Variants in NEB observed in about 807,000 individuals in gnomAD.
The protein encoded by NEB is nebulin, also known as nemaline myopathy type 2.
NEB carries 512 observed loss-of-function variants against 952.2 expected under a neutral mutation model. The ratio of observed to expected loss-of-function variants is 0.54; its 90% CI spans 0.50 to 0.58. The LOEUF (loss-of-function observed/expected upper bound fraction) is 0.58. NEB is among the 20% of genes least tolerant of loss of function. The pLI is 0.00. For missense variants in NEB, 8,428 were observed against 9,231.1 expected, an observed-to-expected ratio of 0.91 and a Z score of 3.56; for synonymous variants, 2,900 against 3,149.8, an observed-to-expected ratio of 0.92 and a Z score of 2.66.
In NEB at chr2:151,553,843, T is replaced by C; in HGVS notation, c.19611A>G (p.Thr6537=). ...LQVNDHVRKV[T]DQISDIVYKD... ...ACAGGCTTACATCGCTGATCTGATC[T>C]GTGACTTTCCTGACGTGATCATTGA... The change falls in exon 126 of 182, where the codon ACA becomes ACG. Residue 6537 remains threonine, a synonymous_variant. Coordinates refer to ENST00000397345, the MANE Select transcript of NEB (RefSeq NM_001164508.2). 6.2e-7 allele frequency: 1 copy of C among 1,612,636 alleles called. No individual in the cohort carries two copies. The highest frequency in any genetic ancestry group is 8.5e-7 in the Non-Finnish European group (1 of 1,179,070).
chr2:151,694,681 G>C (rs1329893713), intron 18 of NEB, 52 bp from the exon 19 acceptor site: 2 of 1,358,336 alleles, frequency 1.5e-6, no homozygotes, highest in East Asian at 2.5e-5. Context: ...TGCATGTCAC[G>C]ACCTTTAAAG....
At position 151,619,757 on chromosome 2, in the gene NEB, T is replaced by C. The variant is rs2098336632; in HGVS notation, c.10566A>G (p.Lys3522=). ...ACTGTTTACGATATGCTTCTTTGTATTTGTACTGAAAGAGAGAATCCAGTA... is the reference window on the plus strand; with the variant it reads ...ACTGTTTACGATATGCTTCTTTGTACTTGTACTGAAAGAGAGAATCCAGTA... The part of the protein sequence containing the change: ...KASRDIASDY[K]YKEAYRKQLG... Residue 3522 remains lysine, a synonymous_variant, in exon 73 of 182, where the codon AAA becomes AAG. Coordinates refer to ENST00000397345, the MANE Select transcript of NEB (RefSeq NM_001164508.2). The C allele has an allele frequency of 2.5e-6, 4 of 1,606,346 alleles. No homozygotes were observed. Among genetic ancestry groups the C allele is most frequent in the Non-Finnish European group, 3.4e-6 (4 of 1,173,798 alleles).
At chr2:151,723,750 G>GGTTTTT (rs1553685530) in intron 8 of NEB, among the ~76,000 whole-genome samples, 3 of 51,362 alleles carry the variant, frequency 5.8e-5, no homozygotes, top group Admixed American at 2.5e-4. Context: ...TGCCTTCTTT[G>GGTTTTT]TTTTTTTTTT....
rs768083123 is a variant in NEB at position 151,640,376 on chromosome 2, C to G, written c.8664G>C (p.Gln2888His). The G allele has an allele frequency of 1.9e-6, 3 of 1,613,828 alleles. No homozygotes were observed. The African/African-American group carries it at 4.0e-5, about 22-fold the overall frequency. Residue 2888 changes from glutamine (Q) to histidine (H), a missense_variant, in exon 61 of 182, where the codon CAG becomes CAC. By Grantham distance (24) the Gln-to-His change is conservative. Around this residue, in one of 11 missense-constraint regions of NEB, gnomAD observed 1,772 missense variants for 1,960.3 expected, o/e 0.90. Transcript: ENST00000397345. ...TCACATCGCTCTGGAGGTCATAGGC[C>G]TGCCGAGCATGGATGACGTCGCTCT... is the stretch of plus-strand genomic sequence containing the variant. ...PDQSDVIHAR[Q>H]AYDLQSDNMY...
chr2:151,627,996 C>T (rs1008057802), intron 68 of NEB, among the ~76,000 whole-genome samples, 162 bp from the exon 69 acceptor site: 2 of 152,114 alleles, frequency 1.3e-5, no homozygotes, highest in African/African-American at 4.8e-5. Flanking sequence ...TTAGACTCTA[C>T]AGCACTAATC....
chr2:151,697,173 A>G lies in NEB; in HGVS notation c.1445T>C (p.Ile482Thr). The G allele has an allele frequency of 6.2e-7, 1 of 1,613,408 alleles. No homozygotes were observed. Among genetic ancestry groups the G allele is most frequent in the South Asian group, 1.1e-5 (1 of 91,050 alleles). Reference protein sequence around the residue: ...PQTITQEYEAIKKLDQCKDHT... With the variant: ...PQTITQEYEATKKLDQCKDHT... ...GTCTTTACACTGATCTAGTTTCTTA[A>G]TTGCTTCATATTCTTGAGTTATGGT... The change falls in exon 16 of 182, where the codon ATT becomes ACT. Residue 482 changes from isoleucine to threonine, a missense_variant. Coordinates refer to ENST00000397345, the MANE Select transcript of NEB (RefSeq NM_001164508.2).
At position 151,546,018 on chromosome 2, in the gene NEB, A is replaced by C. The variant is rs1323641166; in HGVS notation, c.20467-20T>G. The C allele has an allele frequency of 4.5e-6, 6 of 1,335,282 alleles. No homozygotes were observed. The East Asian group carries it at 9.5e-5, about 21-fold the overall frequency. The allele number at this position is 1,335,282 out of a possible 1,614,324, so 82.7% of individuals were successfully genotyped here. A position where few individuals can be genotyped will look rare whatever the true frequency, so the allele number is the denominator to read the frequency against. On this transcript the variant is annotated intron_variant, in intron 134 of 181. Transcript: ENST00000397345. The stretch of plus-strand genomic sequence containing the variant: ...ATTAGACTTAAAAAAAAAAAAAAAA[A>C]CAGAAATACAAGTTGATTAATCATT...
chr2:151,723,487 C>A lies in NEB; in HGVS notation c.613-1G>T. On this transcript the variant is annotated splice_acceptor_variant, in intron 8 of 181. Transcript: ENST00000397345. LOFTEE classifies it high-confidence loss of function. ...CTTCCCAGTCTTCAGTGTACAGTTT[C>A]TAAATCAAAAAAGAGTGAAAAGTTA... 6.3e-7 allele frequency: 1 copy of A among 1,596,786 alleles called. No homozygotes were observed. The highest frequency in any genetic ancestry group is 8.5e-7 in the Non-Finnish European group (1 of 1,169,802).
rs2096824948 is a variant in NEB at position 151,576,272 on chromosome 2, T to C, written c.16787A>G (p.Asn5596Ser). ...QGSPEVLRVK[N>S]AQNIFCDSVY... ...ACTGTCACAAAAGATATTCTGGGCG[T>C]TTTTGACTCTCAACACTTCAGGAGA... Residue 5596 changes from asparagine to serine, a missense_variant, in exon 106 of 182, where the codon AAC becomes AGC. Physicochemically the swap from Asn to Ser is conservative, Grantham distance 46. Around this residue, in one of 11 missense-constraint regions of NEB, gnomAD observed 3,374 missense variants for 3,651.5 expected, o/e 0.92. Transcript: ENST00000397345. 6.2e-7 allele frequency: 1 copy of C among 1,610,224 alleles called. No individual in the cohort carries two copies. The highest frequency in any genetic ancestry group is 8.5e-7 in the Non-Finnish European group (1 of 1,177,644).
chr2:151,570,978 G>T (rs1014204303), intron 107 of NEB, among the ~76,000 whole-genome samples: 15 of 152,084 alleles, frequency 9.9e-5, no homozygotes, highest in Admixed American at 4.6e-4. Flanking sequence ...CATTTATCAT[G>T]TCTGTGTCAT....
Position 151,579,381 on chromosome 2 carries a change from T to C in NEB, c.16661A>G (p.Asn5554Ser), listed in dbSNP as rs1473828235. ...GGCTTTCCTGGCTTGGATCACATCA[T>C]TCTGGTCGGGAAAGCAAGACCAGCG... is the stretch of plus-strand genomic sequence containing the variant. ...LHRWSCFPDQ[N>S]DVIQARKAYD... Residue 5554 changes from asparagine (N) to serine (S), a missense_variant, in exon 105 of 182, where the codon AAT (asparagine) becomes AGT (serine). Around this residue, in one of 11 missense-constraint regions of NEB, gnomAD observed 19 missense variants for 49.3 expected, o/e 0.39. Coordinates refer to ENST00000397345, the MANE Select transcript of NEB (RefSeq NM_001164508.2). The C allele has an allele frequency of 1.3e-6, 2 of 1,531,062 alleles. No homozygotes were observed. Among genetic ancestry groups the C allele is most frequent in the Non-Finnish European group, 1.8e-6 (2 of 1,133,600 alleles). 94.8% of individuals were successfully genotyped at this position (1,531,062 alleles called of 1,614,324 possible).
intron 20 of NEB, 141 bp downstream of exon 20, chr2:151,694,182 T>C: frequency 1.3e-6 from 1 of 752,784 alleles, no homozygotes; most frequent in Non-Finnish European, 2.2e-6. Flanking sequence ...CATCTTCCTT[T>C]AGCACCTGGG....
intron 9 of NEB, 118 bp downstream of exon 9, chr2:151,723,264 T>C: frequency 1.8e-6 from 1 of 567,318 alleles, no homozygotes; most frequent in Admixed American, 3.3e-5. Context: ...CATACTCCTC[T>C]GAAATACAAC....
At position 151,696,637 on chromosome 2, in the gene NEB, G is replaced by C; in HGVS notation, c.1569C>G (p.Asp523Glu). The C allele has an allele frequency of 6.2e-7, 1 of 1,610,000 alleles. No individual in the cohort carries two copies. The highest frequency in any genetic ancestry group is 8.5e-7 in the Non-Finnish European group (1 of 1,176,290). ...QAQVNSKQLS[D>E]LNYKAKHESE... The stretch of plus-strand genomic sequence containing the variant: ...GTCCTGAGTAGTTAGAGGAACTTAC[G>C]TCACTCAGTTGTTTGGAATTGACTT... The change falls in exon 17 of 182, where the codon GAC becomes GAG. Residue 523 changes from aspartate to glutamate, a missense_variant and splice_region_variant. By Grantham distance (45) the Asp-to-Glu change is conservative. Transcript: ENST00000397345.
At chr2:151,573,899 A>G (rs1464974996) in intron 107 of NEB, among the ~76,000 whole-genome samples, 1 of 152,020 alleles carries the variant, frequency 6.6e-6, no homozygotes, top group Non-Finnish European at 1.5e-5. Context: ...AAGACTTAAA[A>G]TGACTTCTTC....
chr2:151,625,525 T>C lies in NEB; in HGVS notation c.10452+9A>G, dbSNP rs117270796. On this transcript the variant is annotated intron_variant, in intron 71 of 181. Transcript: ENST00000397345. Reference sequence around the variant, plus strand: ...GGCCAGACCAAAGAAATAAAACAAATGATCTTACCTCACTATAATTTATTT... The same window carrying C: ...GGCCAGACCAAAGAAATAAAACAAACGATCTTACCTCACTATAATTTATTT... The C allele has an allele frequency of 2.0e-3, 3,064 of 1,558,288 alleles. 64 individuals carry two copies. In the East Asian group the frequency reaches 0.043, roughly 22 times the overall value.
At chr2:151,514,669 T>G in intron 158 of NEB, 149 bp downstream of exon 158, 1 of 642,000 alleles carries the variant, frequency 1.6e-6, no homozygotes, top group Non-Finnish European at 2.7e-6. Context: ...ACATGGGTAA[T>G]AGATTAGGTG....
Position 151,650,766 on chromosome 2 carries a change from T to C in NEB, c.7035A>G (p.Glu2345=), listed in dbSNP as rs2154135279. 3 of 1,614,004 alleles carry C rather than the reference T, an allele frequency of 1.9e-6. No homozygotes were observed. The South Asian group carries it at 3.3e-5, about 18-fold the overall frequency. The change falls in exon 53 of 182, where the codon GAA becomes GAG. Residue 2345 remains glutamate, a synonymous_variant. Coordinates refer to ENST00000397345, the MANE Select transcript of NEB (RefSeq NM_001164508.2). ...MNVAKMQSER[E]YKKDFEKWKT... is the part of the protein sequence containing the mutation. ...TCCACTTCTCAAAGTCCTTCTTGTA[T>C]TCTCTTTCACTCTGCATTTTGGCTA...
intron 140 of NEB, among the ~76,000 whole-genome samples, chr2:151,537,588 A>T (rs975021067): frequency 1.2e-4 from 19 of 152,208 alleles, no homozygotes; most frequent in Non-Finnish European, 2.5e-4. Flanking sequence ...TTGTCACTTC[A>T]TTGGATCAAA....
Sources: gnomAD v4.1 joint callset for allele counts (sites outside exome capture counted in the v4.1 genomes callset) on GRCh38, gnomAD v4.1.1 for gene constraint, gnomAD v4.1.1 regional missense constraint, MANE v1.5 for transcripts, NCBI Gene and HGNC (gene_info 2026-07-23, HGNC 2026-07-21) for gene names.